CHST11: variants seen among roughly 807,000 people sequenced by gnomAD.
The protein encoded by CHST11 is carbohydrate sulfotransferase 11.
A neutral mutation model predicts 30.4 loss-of-function variants in CHST11; 9 were observed. The observed-to-expected ratio is 0.30, with a 90% CI of 0.18 to 0.52. The LOEUF (loss-of-function observed/expected upper bound fraction) is 0.52. Ranked by LOEUF, CHST11 falls within the 20% of genes least tolerant of loss-of-function variation. CHST11 has a pLI of 0.97. For missense variants in CHST11, 348 were observed against 460.6 expected (o/e 0.76, Z 2.24); for synonymous variants, 152 against 187.8 (o/e 0.81, Z 1.56).
intron 1 of CHST11, chr12:104,514,291 CG>C: frequency 1.1e-6 from 1 of 878,158 alleles, no homozygotes; most frequent in Admixed American, 1.7e-5. Flanking sequence ...GGCATTGGAG[CG>C]GTGTTTGGCA....
At chr12:104,750,428 C>CCTTTTTTTTTTTTTTTTTTTTT (rs1420945578) in intron 2 of CHST11, among the ~76,000 whole-genome samples, 3 of 48,828 alleles carry the variant, frequency 6.1e-5, no homozygotes, top group African/African-American at 1.6e-4. Context: ...TATTTCTGCA[C>CCTTTTTTTTTTTTTTTTTTTTT]TTTTTTTTTT....
At chr12:104,610,077 GTGTGTGTGTGTGTGTGTGTC>G (rs1478060873) in intron 2 of CHST11, among the ~76,000 whole-genome samples, 7 of 144,668 alleles carry the variant, frequency 4.8e-5, no homozygotes, top group African/African-American at 1.9e-4. Flanking sequence ...GTGTGTGTGT[GTGTGTGTGTGTGTGTGTGTC>G]TGTGGTATGT....
chr12:104,668,099 A>AC (rs34451395), intron 2 of CHST11, among the ~76,000 whole-genome samples: 93,973 of 151,820 alleles, frequency 0.62, 29,936 homozygotes, highest in African/African-American at 0.76. Context: ...CACACCATAT[A>AC]CCCTGGCTGT....
intron 1 of CHST11, among the ~76,000 whole-genome samples, chr12:104,522,053 TC>T (rs2038078593): frequency 2.0e-5 from 3 of 152,236 alleles, no homozygotes; most frequent in African/African-American, 7.2e-5. Flanking sequence ...CACTAGCATT[TC>T]TTTCCCAGTT....
chr12:104,734,760 C>T (rs954303025), intron 2 of CHST11, among the ~76,000 whole-genome samples: 1 of 152,284 alleles, frequency 6.6e-6, no homozygotes, highest in South Asian at 2.1e-4. Context: ...TGAGAACTGG[C>T]GCTCTGCCTC....
intron 1 of CHST11, among the ~76,000 whole-genome samples, chr12:104,488,837 A>C (rs995144623): frequency 2.4e-4 from 37 of 152,004 alleles, no homozygotes; most frequent in African/African-American, 8.5e-4. Context: ...CTGCTATAAC[A>C]AAGTACTGCA....
At chr12:104,606,389 G>A (rs902670673) in intron 2 of CHST11, among the ~76,000 whole-genome samples, 2 of 152,078 alleles carry the variant, frequency 1.3e-5, no homozygotes, top group Non-Finnish European at 2.9e-5. Context: ...AGAGAAAAAG[G>A]AAGACAAATT....
chr12:104,702,434 G>A (rs1201828102), intron 2 of CHST11, among the ~76,000 whole-genome samples: 1 of 151,868 alleles, frequency 6.6e-6, no homozygotes, highest in Admixed American at 6.6e-5. Context: ...AGCAAGTCTG[G>A]GAACCTGGGT....
At chr12:104,618,539 A>AT (rs1159016021) in intron 2 of CHST11, among the ~76,000 whole-genome samples, 6 of 151,528 alleles carry the variant, frequency 4.0e-5, no homozygotes, top group Admixed American at 1.3e-4. Context: ...CTAGCCAAGT[A>AT]TTTTTTTTCT....
chr12:104,497,909 CTTTTTTTTTTT>C (rs1205174607), intron 1 of CHST11, among the ~76,000 whole-genome samples: 4 of 75,676 alleles, frequency 5.3e-5, no homozygotes, highest in African/African-American at 2.3e-4. Context: ...CCTGCCCCCT[CTTTTTTTTTTT>C]TTTTTTTTTT....
At chr12:104,652,800 C>G (rs1287709844) in intron 2 of CHST11, among the ~76,000 whole-genome samples, 1 of 152,194 alleles carries the variant, frequency 6.6e-6, no homozygotes, top group African/African-American at 2.4e-5. Flanking sequence ...CCTGTGGAAG[C>G]TGGCCCAAGG....
At chr12:104,602,439 C>T (rs1453551090) in intron 2 of CHST11, among the ~76,000 whole-genome samples, 5 of 152,318 alleles carry the variant, frequency 3.3e-5, no homozygotes, top group East Asian at 1.9e-4. Context: ...CCCTTGCGAG[C>T]GGGGACCTTT....
At chr12:104,721,714 G>GA (rs879728214) in intron 2 of CHST11, among the ~76,000 whole-genome samples, 114 of 150,404 alleles carry the variant, frequency 7.6e-4, no homozygotes, top group Admixed American at 1.5e-3. Flanking sequence ...AACCAGCATA[G>GA]AAAAAAAAAT....
intron 2 of CHST11, among the ~76,000 whole-genome samples, chr12:104,630,527 G>A (rs1037450423): frequency 6.6e-6 from 1 of 152,174 alleles, no homozygotes; most frequent in Non-Finnish European, 1.5e-5. Flanking sequence ...AATGAAATCC[G>A]AGAAGCCAGG....
intron 1 of CHST11, among the ~76,000 whole-genome samples, chr12:104,565,542 C>T (rs548815879): frequency 4.6e-5 from 7 of 152,254 alleles, no homozygotes; most frequent in Non-Finnish European, 1.0e-4. Flanking sequence ...GCTGGGATTA[C>T]AGGCATAAAC....
At chr12:104,730,799 AG>A (rs1287656715) in intron 2 of CHST11, among the ~76,000 whole-genome samples, 1 of 152,204 alleles carries the variant, frequency 6.6e-6, no homozygotes, top group Non-Finnish European at 1.5e-5. Flanking sequence ...AGGAGTGGCC[AG>A]GTTGAATCCA....
At chr12:104,620,465 CCTT>C (rs1432373631) in intron 2 of CHST11, among the ~76,000 whole-genome samples, 12 of 152,272 alleles carry the variant, frequency 7.9e-5, no homozygotes, top group African/African-American at 2.6e-4. Context: ...TCATCCATAG[CCTT>C]CTCTTCCAAC....
At position 104,577,051 on chromosome 12, in the gene CHST11, T is replaced by G. The variant is rs537483605; in HGVS notation, c.119-24855T>G. Among the ~76,000 whole-genome samples the G allele has an allele frequency of 3.3e-5, 5 of 152,054 alleles. No homozygotes were observed. The South Asian group carries it at 1.0e-3, about 32-fold the overall frequency. The stretch of plus-strand genomic sequence containing the variant: ...AAGACTCCAGAGGGGTGGAAATGAC[T>G]GTGGGTTCAGTCTAAGGCTCCAGGT... On this transcript the variant is annotated intron_variant, in intron 1 of 2. Transcript: ENST00000303694.
intron 1 of CHST11, among the ~76,000 whole-genome samples, chr12:104,463,911 C>G (rs760073403): frequency 1.2e-4 from 19 of 152,028 alleles, no homozygotes; most frequent in Non-Finnish European, 2.4e-4. Context: ...TGGGGAGAGA[C>G]AAGTCGGAGA....
Sources: allele counts gnomAD v4.1 joint callset (sites outside exome capture counted in the v4.1 genomes callset), GRCh38; gene constraint gnomAD v4.1.1; transcripts MANE v1.5; gene names NCBI Gene and HGNC (gene_info 2026-07-23, HGNC 2026-07-21).